The following DTD1 variants were observed in gnomAD, a reference collection of about 807,000 sequenced individuals.
DTD1 encodes the protein D-aminoacyl-tRNA deacylase 1, also known as D-tyrosyl-tRNA deacylase 1 homolog.
DTD1 carries 13 observed loss-of-function variants against 25.6 expected under a neutral mutation model. The observed-to-expected ratio is 0.51, with a 90% CI of 0.33 to 0.81. The LOEUF is 0.81. Among genes scored for constraint, DTD1 ranks in the 30% least tolerant of loss-of-function variants. DTD1 has a pLI of 0.02. For synonymous variants in DTD1, 110 were observed against 103.6 expected, an observed-to-expected ratio of 1.06 and a Z score of -0.37; for missense variants, 193 against 266.4, an observed-to-expected ratio of 0.72 and a Z score of 1.92.
At chr20:18,744,667 G>T (rs907361991) in intron 5 of DTD1, among the ~76,000 whole-genome samples, 1 of 143,668 alleles carries the variant, frequency 7.0e-6, no homozygotes, top group African/African-American at 2.6e-5. Flanking sequence ...AAGTGAAAGG[G>T]GTTTCCCCTT....
At chr20:18,606,033 C>G (rs1285061165) in intron 3 of DTD1, among the ~76,000 whole-genome samples, 2 of 143,268 alleles carry the variant, frequency 1.4e-5, no homozygotes, top group African/African-American at 5.2e-5. Context: ...ACTCATCTGA[C>G]AAAGGGCTAA....
intron 4 of DTD1, among the ~76,000 whole-genome samples, chr20:18,639,100 G>A (rs1445790412): frequency 6.6e-6 from 1 of 150,648 alleles, no homozygotes; most frequent in African/African-American, 2.4e-5. Context: ...CAAGGAGTGC[G>A]ATGCTCACCC....
intron 5 of DTD1, among the ~76,000 whole-genome samples, chr20:18,759,987 A>G (rs540210158): frequency 8.4e-4 from 127 of 151,918 alleles, no homozygotes; most frequent in African/African-American, 2.9e-3. Context: ...CATTCATTTG[A>G]TCTTCCATCA....
intron 3 of DTD1, among the ~76,000 whole-genome samples, chr20:18,596,674 A>C (rs1013967653): frequency 1.3e-5 from 2 of 152,186 alleles, no homozygotes; most frequent in Admixed American, 6.5e-5. Context: ...GAATATATTC[A>C]AAATATGATT....
At chr20:18,635,376 C>T (rs1422975334) in intron 4 of DTD1, among the ~76,000 whole-genome samples, 1 of 152,218 alleles carries the variant, frequency 6.6e-6, no homozygotes. Flanking sequence ...TAGGCTGCCA[C>T]ATGGAAGGCC....
chr20:18,598,783 A>G (rs2060622226), intron 3 of DTD1, among the ~76,000 whole-genome samples: 1 of 151,516 alleles, frequency 6.6e-6, no homozygotes. Context: ...TGCTGGGATT[A>G]CAGGTGTGAG....
chr20:18,698,586 A>G (rs1243241264), intron 4 of DTD1: 1 of 152,252 alleles, frequency 6.6e-6, no homozygotes, highest in Admixed American at 6.5e-5. Flanking sequence ...AGCTGTCTGC[A>G]GGATGCTTGA....
intron 1 of DTD1, 111 bp downstream of exon 1, chr20:18,588,226 C>T: frequency 1.9e-6 from 2 of 1,028,282 alleles, no homozygotes; most frequent in Non-Finnish European, 2.5e-6. Context: ...GGCCCCTCCG[C>T]GAGCCTGGTC....
At chr20:18,751,064 C>CGTGTGTGTGTGTGTGTGT (rs144204072) in intron 5 of DTD1, among the ~76,000 whole-genome samples, 2 of 150,388 alleles carry the variant, frequency 1.3e-5, no homozygotes, top group African/African-American at 4.9e-5. Flanking sequence ...CTACAGCAGC[C>CGTGTGTGTGTGTGTGTGT]GTGTGTGTGT....
At chr20:18,715,219 C>G (rs893281135) in intron 4 of DTD1, among the ~76,000 whole-genome samples, 2 of 152,152 alleles carry the variant, frequency 1.3e-5, no homozygotes, top group African/African-American at 4.8e-5. Context: ...CAGAACACAG[C>G]AAGCCCTGTC....
intron 4 of DTD1, among the ~76,000 whole-genome samples, chr20:18,681,341 T>C (rs2060995916): frequency 6.6e-6 from 1 of 152,200 alleles, no homozygotes; most frequent in East Asian, 1.9e-4. Context: ...TTTTAAGCAT[T>C]ATAATGTGAA....
chr20:18,663,003 C>T (rs1212608718), intron 4 of DTD1, among the ~76,000 whole-genome samples: 1 of 152,152 alleles, frequency 6.6e-6, no homozygotes, highest in East Asian at 1.9e-4. Flanking sequence ...GTGACTGGGG[C>T]AGGAACCATG....
chr20:18,660,364 T>TG (rs1461455919), intron 4 of DTD1, among the ~76,000 whole-genome samples: 1 of 152,036 alleles, frequency 6.6e-6, no homozygotes, highest in Non-Finnish European at 1.5e-5. Flanking sequence ...GGACTATAGG[T>TG]GCACACAAGT....
chr20:18,693,352 T>G (rs977205331), intron 4 of DTD1, among the ~76,000 whole-genome samples: 1 of 152,160 alleles, frequency 6.6e-6, no homozygotes, highest in African/African-American at 2.4e-5. Flanking sequence ...TCTGCCAGCT[T>G]TTCTTGTAAT....
At chr20:18,707,013 C>T (rs1200000624) in intron 4 of DTD1, among the ~76,000 whole-genome samples, 1 of 152,228 alleles carries the variant, frequency 6.6e-6, no homozygotes, top group African/African-American at 2.4e-5. Flanking sequence ...GAGCCTCGGC[C>T]TGAGCAGTGG....
chr20:18,687,380 A>G (rs1278644284), intron 4 of DTD1, among the ~76,000 whole-genome samples: 3 of 152,208 alleles, frequency 2.0e-5, no homozygotes, highest in Non-Finnish European at 2.9e-5. Context: ...ACAAATAGCA[A>G]GTTAAGAGGG....
chr20:18,689,160 T>G (rs1244874641), intron 4 of DTD1, among the ~76,000 whole-genome samples: 1 of 152,182 alleles, frequency 6.6e-6, no homozygotes, highest in Non-Finnish European at 1.5e-5. Flanking sequence ...GGTTCTATTT[T>G]AGGCTTGTAT....
chr20:18,731,512 G>A (rs1408832331), intron 4 of DTD1, among the ~76,000 whole-genome samples: 5 of 152,092 alleles, frequency 3.3e-5, no homozygotes, highest in East Asian at 1.9e-4. Context: ...CCTGTTCTCC[G>A]CCCTCAATCC....
At chr20:18,695,434 C>T in intron 4 of DTD1, among the ~76,000 whole-genome samples, 1 of 103,882 alleles carries the variant, frequency 9.6e-6, no homozygotes, top group African/African-American at 3.8e-5. Context: ...CCTCCCCCTT[C>T]CCCTTCTTCC....
Sources: allele counts gnomAD v4.1 joint callset (sites outside exome capture counted in the v4.1 genomes callset), GRCh38; gene constraint gnomAD v4.1.1; transcripts MANE v1.5; gene names NCBI Gene and HGNC (gene_info 2026-07-23, HGNC 2026-07-21).